WRN: variants seen among roughly 807,000 people sequenced by gnomAD.
WRN encodes the protein WRN RecQ like helicase.
In WRN, 149 loss-of-function variants were observed where a neutral mutation model predicts 180.7. The ratio of observed to expected loss-of-function variants is 0.82; its 90% CI spans 0.72 to 0.94. The LOEUF is 0.94. WRN is among the 40% of genes least tolerant of loss of function. The pLI is 0.00. For missense variants in WRN, 1,661 were observed against 1,700.1 expected (o/e 0.98, Z 0.40); for synonymous variants, 548 against 568.9 (o/e 0.96, Z 0.52).
Position 31,067,197 on chromosome 8 carries a change from A to T in WRN, c.654+15A>T. On this transcript the variant is annotated intron_variant, in intron 6 of 34. Coordinates refer to ENST00000298139, the MANE Select transcript of WRN (RefSeq NM_000553.6). Reference sequence around the variant, plus strand: ...CTGATGCTTATGTACGTGCTTAAAGATCTTTAGAAATTGTGATGTGTTTTA... The same window carrying T: ...CTGATGCTTATGTACGTGCTTAAAGTTCTTTAGAAATTGTGATGTGTTTTA... The T allele has an allele frequency of 1.3e-5, 21 of 1,612,946 alleles. No homozygotes were observed. Among genetic ancestry groups the T allele is most frequent in the Non-Finnish European group, 1.8e-5 (21 of 1,179,814 alleles).
Position 31,174,705 on chromosome 8 carries a change from CCTT to C in WRN, c.*1608_*1610del, listed in dbSNP as rs1039485619. ...TTCTTCTTCTGATTCTTCTTCTTCT[CCTT>C]CTTCCTTCTTCCTTCCTTCCTCCTC... On this transcript the variant is annotated 3_prime_UTR_variant, in exon 35 of 35. Coordinates refer to ENST00000298139, the MANE Select transcript of WRN (RefSeq NM_000553.6). 2.6e-5 allele frequency among the ~76,000 whole-genome samples: 4 copies of C among 151,500 alleles called. No homozygotes were observed. In the South Asian group the frequency reaches 6.3e-4, roughly 24 times the overall value.
intron 1 of WRN, among the ~76,000 whole-genome samples, chr8:31,037,950 T>C (rs952983624): frequency 6.6e-6 from 1 of 152,224 alleles, no homozygotes; most frequent in African/African-American, 2.4e-5. Flanking sequence ...CTGAATAATA[T>C]TCCATTTGTT....
chr8:31,109,762 C>G lies in WRN; in HGVS notation c.2089-1853C>G, dbSNP rs142329039. Reference sequence around the variant, plus strand: ...CATTTTATAGATGAGGAAACTGAAGCTTAGAGAGTTAAATAAAGAGCTCAA... The same window carrying G: ...CATTTTATAGATGAGGAAACTGAAGGTTAGAGAGTTAAATAAAGAGCTCAA... On this transcript the variant is annotated intron_variant, in intron 18 of 34. Transcript: ENST00000298139. Among the ~76,000 whole-genome samples the G allele has an allele frequency of 2.1e-3, 321 of 152,180 alleles. 4 individuals are homozygous for G. The highest frequency in any genetic ancestry group is 7.4e-3 in the African/African-American group (307 of 41,498).
intron 21 of WRN, among the ~76,000 whole-genome samples, chr8:31,121,397 G>A (rs1801721927): frequency 6.6e-6 from 1 of 152,012 alleles, no homozygotes; most frequent in South Asian, 2.1e-4. Context: ...TATGCTATGT[G>A]TGGGAGATAT....
chr8:31,090,721 A>G (rs1259576054), intron 14 of WRN, 113 bp from the exon 15 acceptor site: 3 of 1,042,606 alleles, frequency 2.9e-6, no homozygotes, highest in African/African-American at 1.6e-5. Context: ...ATAGCATACT[A>G]GTATTGACCA....
At chr8:31,035,167 C>A (rs1362969682) in intron 1 of WRN, among the ~76,000 whole-genome samples, 6 of 152,166 alleles carry the variant, frequency 3.9e-5, no homozygotes, top group Admixed American at 3.9e-4. Context: ...ACAAACATCT[C>A]TCTCCTTTTG....
chr8:31,157,486 A>G lies in WRN; in HGVS notation c.3938A>G (p.Gln1313Arg). ...LERAGLTPEV[Q>R]KIIADVIRNP... ...CGAGCAGGCCTGACTCCAGAGGTTC[A>G]GAAGATTATTGCTGATGTTATCCGA... Residue 1313 changes from glutamine (Q) to arginine (R), a missense_variant, in exon 33 of 35, where the codon CAG (glutamine) becomes CGG (arginine). Physicochemically the swap from Gln to Arg is conservative, Grantham distance 43 (BLOSUM62 1). This residue lies in a region of WRN where 1,141 missense variants were observed against 1,149.4 expected (regional missense o/e 0.99). Transcript: ENST00000298139. 6.2e-7 allele frequency: 1 copy of G among 1,614,152 alleles called. No individual in the cohort carries two copies. Among genetic ancestry groups the G allele is most frequent in the South Asian group, 1.1e-5 (1 of 91,076 alleles).
Position 31,066,066 on chromosome 8 carries a change from C to T in WRN, c.505-967C>T, listed in dbSNP as rs532304259. Among the ~76,000 whole-genome samples the T allele has an allele frequency of 2.2e-3, 328 of 151,574 alleles. 1 individual carries two copies. Among genetic ancestry groups the T allele is most frequent in the African/African-American group, 7.7e-3 (316 of 41,304 alleles). On this transcript the variant is annotated intron_variant, in intron 5 of 34. Coordinates refer to ENST00000298139, the MANE Select transcript of WRN (RefSeq NM_000553.6). Reference sequence around the variant, plus strand: ...GCTAATTTTGTATTTTTAGTAGAGACGGGGTTTCTCCATCTTGGTCAGGCT... The same window carrying T: ...GCTAATTTTGTATTTTTAGTAGAGATGGGGTTTCTCCATCTTGGTCAGGCT...
At chr8:31,143,762 A>T (rs1802754370) in intron 28 of WRN, 139 bp downstream of exon 28, 1 of 615,006 alleles carries the variant, frequency 1.6e-6, no homozygotes, top group Non-Finnish European at 2.9e-6. Context: ...CAGTATTAGA[A>T]TGATCAAAGT....
chr8:31,109,500 T>G (rs1801222878), intron 18 of WRN, among the ~76,000 whole-genome samples: 2 of 152,164 alleles, frequency 1.3e-5, no homozygotes, highest in African/African-American at 4.8e-5. Flanking sequence ...TCCATCTCAT[T>G]TTTTTTGCTG....
chr8:31,139,124 A>G (rs1049843516), intron 24 of WRN, among the ~76,000 whole-genome samples: 1 of 152,186 alleles, frequency 6.6e-6, no homozygotes, highest in Non-Finnish European at 1.5e-5. Flanking sequence ...TGCATTTTTA[A>G]CATTCCAAAA....
chr8:31,136,477 T>C (rs191379503), intron 24 of WRN, among the ~76,000 whole-genome samples: 6 of 152,316 alleles, frequency 3.9e-5, no homozygotes, highest in African/African-American at 1.4e-4. Context: ...AGCAAATGGA[T>C]TTCCTGCCTG....
At chr8:31,087,018 T>C (rs562471934) in intron 11 of WRN, among the ~76,000 whole-genome samples, 3 of 152,220 alleles carry the variant, frequency 2.0e-5, no homozygotes, top group African/African-American at 7.2e-5. Flanking sequence ...GAAACACTTC[T>C]TTCTTCTGCC....
intron 22 of WRN, 45 bp from the exon 23 acceptor site, chr8:31,124,863 T>C (rs371952406): frequency 6.5e-6 from 10 of 1,546,790 alleles, no homozygotes; most frequent in Middle Eastern, 1.7e-4. Context: ...ACTTAACATA[T>C]ACGTTTCTGT....
chr8:31,116,567 G>A (rs757856500), intron 20 of WRN, 39 bp downstream of exon 20: 2 of 1,609,652 alleles, frequency 1.2e-6, no homozygotes, highest in Non-Finnish European at 1.7e-6. Flanking sequence ...GTTGCTCATA[G>A]TGGAAGTGGA....
At chr8:31,166,929 T>C (rs1803902216) in intron 33 of WRN, 93 bp from the exon 34 acceptor site, 2 of 1,287,612 alleles carry the variant, frequency 1.6e-6, no homozygotes, top group Non-Finnish European at 2.2e-6. Flanking sequence ...TCCACCTTCC[T>C]TTCTACAGAA....
At chr8:31,106,314 G>A (rs930993764) in intron 18 of WRN, among the ~76,000 whole-genome samples, 2 of 151,804 alleles carry the variant, frequency 1.3e-5, no homozygotes, top group Non-Finnish European at 2.9e-5. Context: ...CGTCCAGAGT[G>A]ATACTTTAAA....
At chr8:31,172,634 C>G (rs931107622) in intron 34 of WRN, among the ~76,000 whole-genome samples, 2 of 152,176 alleles carry the variant, frequency 1.3e-5, no homozygotes, top group African/African-American at 4.8e-5. Flanking sequence ...TATACATGCC[C>G]AGGCATGTTC....
At chr8:31,085,970 A>C (rs1248023423) in intron 11 of WRN, among the ~76,000 whole-genome samples, 1 of 151,856 alleles carries the variant, frequency 6.6e-6, no homozygotes, top group African/African-American at 2.4e-5. Context: ...ATATTATATA[A>C]TTTTCAAATG....
Sources: allele counts gnomAD v4.1 joint callset (sites outside exome capture counted in the v4.1 genomes callset), GRCh38; gene constraint gnomAD v4.1.1; regional missense constraint gnomAD v4.1.1; transcripts MANE v1.5; gene names NCBI Gene and HGNC (gene_info 2026-07-23, HGNC 2026-07-21).